Variants in MYOZ1 observed in about 807,000 individuals in gnomAD.
MYOZ1 encodes the protein myozenin 1.
Under a neutral mutation model 28.7 loss-of-function variants are expected in MYOZ1, and 20 were observed. The observed-to-expected ratio is 0.70, with a 90% CI of 0.49 to 1.01. The LOEUF (loss-of-function observed/expected upper bound fraction) is 1.01. Ranked by LOEUF, MYOZ1 falls within the 50% of genes least tolerant of loss-of-function variation. The probability of loss-of-function intolerance (pLI) is 0.00; values close to 1 mark genes in which losing one functional copy is unlikely to be tolerated. For missense variants in MYOZ1, 371 were observed against 372.4 expected, an observed-to-expected ratio of 1.00 and a Z score of 0.03; for synonymous variants, 144 against 145.8, an observed-to-expected ratio of 0.99 and a Z score of 0.09.
At chr10:73,639,436 A>C (rs1026808764) in intron 2 of MYOZ1, among the ~76,000 whole-genome samples, 1 of 152,164 alleles carries the variant, frequency 6.6e-6, no homozygotes, top group Non-Finnish European at 1.5e-5. Context: ...CTTCTGTCTT[A>C]ACTACTTTCC....
chr10:73,633,866 A>C, intron 5 of MYOZ1, 34 bp downstream of exon 5: 1 of 1,574,408 alleles, frequency 6.4e-7, no homozygotes, highest in Non-Finnish European at 8.6e-7. Context: ...GCCTCACACT[A>C]GAATGCATCT....
In MYOZ1 at chr10:73,632,031, A is replaced by G. The variant is rs906601362; in HGVS notation, c.799T>C (p.Ser267Pro). The G allele has an allele frequency of 1.9e-6, 3 of 1,613,986 alleles. No individual in the cohort carries two copies. Among genetic ancestry groups the G allele is most frequent in the Non-Finnish European group, 2.5e-6 (3 of 1,180,028 alleles). ...LYNQNLSNRP[S>P]FNRTPIPWLS... is the part of the protein sequence containing the mutation. Reference sequence around the variant, plus strand: ...CAGGGAATAGGGGTTCGATTGAAAGAAGGCCTGTTGGAGAGGTTTTGGTTG... The same window carrying G: ...CAGGGAATAGGGGTTCGATTGAAAGGAGGCCTGTTGGAGAGGTTTTGGTTG... The change falls in exon 6 of 6, where the codon TCT becomes CCT. Residue 267 changes from serine (S) to proline (P), a missense_variant. Coordinates refer to ENST00000359322, the MANE Select transcript of MYOZ1 (RefSeq NM_021245.4).
intron 4 of MYOZ1, 72 bp downstream of exon 4, chr10:73,634,412 A>G: frequency 6.4e-6 from 10 of 1,568,474 alleles, no homozygotes; most frequent in Non-Finnish European, 8.7e-6. Context: ...CCCCACACTC[A>G]GCGTAGACAT....
chr10:73,639,931 C>T lies in MYOZ1; in HGVS notation c.73+14G>A, dbSNP rs779917403. ...TAAGAAGTCCCACACTAGGGAGATG[C>T]AAACATGTCCTACCTCCAGTGAGTT... On this transcript the variant is annotated intron_variant, in intron 2 of 5. Coordinates refer to ENST00000359322, the MANE Select transcript of MYOZ1 (RefSeq NM_021245.4). 6.2e-7 allele frequency: 1 copy of T among 1,613,232 alleles called. No homozygotes were observed. The highest frequency in any genetic ancestry group is 1.1e-5 in the South Asian group (1 of 91,040).
chr10:73,632,284 C>T, intron 5 of MYOZ1, 123 bp from the exon 6 acceptor site: 1 of 846,830 alleles, frequency 1.2e-6, no homozygotes, highest in South Asian at 1.7e-5. Context: ...TGCATCTGTA[C>T]TCCTTCTTCT....
At chr10:73,636,098 C>T (rs1225701632) in intron 3 of MYOZ1, among the ~76,000 whole-genome samples, 1 of 152,172 alleles carries the variant, frequency 6.6e-6, no homozygotes, top group Non-Finnish European at 1.5e-5. Flanking sequence ...ATGACAGACA[C>T]TTCTGCCCCC....
chr10:73,641,085 C>G (rs1589447739), intron 1 of MYOZ1, among the ~76,000 whole-genome samples: 3 of 152,196 alleles, frequency 2.0e-5, no homozygotes, highest in Admixed American at 2.0e-4. Flanking sequence ...GGACTCCAAT[C>G]CCTTCTTAAG....
At chr10:73,638,317 GTTTTTATTTTTTATTCTTTT>G (rs1479243981) in intron 2 of MYOZ1, among the ~76,000 whole-genome samples, 4 of 147,846 alleles carry the variant, frequency 2.7e-5, no homozygotes, top group Admixed American at 6.7e-5. Flanking sequence ...ATATATATTT[GTTTTTATTTTTTATTCTTTT>G]TTTTCATTTT....
In MYOZ1 at chr10:73,631,928, C is replaced by A. The variant is rs2081637155; in HGVS notation, c.*2G>T. On this transcript the variant is annotated 3_prime_UTR_variant, in exon 6 of 6. Transcript: ENST00000359322. Reference sequence around the variant, plus strand: ...ATGATGCAAATCAGAGGAGGAAACACCTCACAGCTCCTCTGTTTCTCCATC... The same window carrying A: ...ATGATGCAAATCAGAGGAGGAAACAACTCACAGCTCCTCTGTTTCTCCATC... The A allele has an allele frequency of 6.2e-7, 1 of 1,612,450 alleles. No homozygotes were observed. The highest frequency in any genetic ancestry group is 1.3e-5 in the African/African-American group (1 of 74,880).
At chr10:73,636,012 G>A (rs1033131410) in intron 3 of MYOZ1, among the ~76,000 whole-genome samples, 2 of 152,176 alleles carry the variant, frequency 1.3e-5, no homozygotes, top group African/African-American at 2.4e-5. Context: ...GACCCAGGCA[G>A]AGAAGAGTGC....
chr10:73,634,730 G>C lies in MYOZ1; in HGVS notation c.256C>G (p.His86Asp). Reference sequence around the variant, plus strand: ...ACTGTTGGAAGGAACTTCTGGAAGTGATCCTGAAAAGAAGACAAAGTGAGG... The same window carrying C: ...ACTGTTGGAAGGAACTTCTGGAAGTCATCCTGAAAAGAAGACAAAGTGAGG... The part of the protein sequence containing the change: ...PDVFSDSSMD[H>D]FQKFLPTVGG... Residue 86 changes from histidine to aspartate, a missense_variant, in exon 4 of 6, where the codon CAC becomes GAC. Physicochemically the swap from His to Asp is moderately conservative, Grantham distance 81 (BLOSUM62 -1). Coordinates refer to ENST00000359322, the MANE Select transcript of MYOZ1 (RefSeq NM_021245.4). 1.2e-6 allele frequency: 2 copies of C among 1,610,660 alleles called. No homozygotes were observed. Among genetic ancestry groups the C allele is most frequent in the Non-Finnish European group, 1.7e-6 (2 of 1,177,144 alleles).
chr10:73,638,483 C>T (rs550727067), intron 2 of MYOZ1, among the ~76,000 whole-genome samples: 2 of 150,916 alleles, frequency 1.3e-5, no homozygotes, highest in African/African-American at 2.4e-5. Flanking sequence ...CAGGCCTGCA[C>T]CACCATCCCT....
intron 3 of MYOZ1, among the ~76,000 whole-genome samples, chr10:73,637,029 T>TTTTTG (rs1437745277): frequency 6.7e-6 from 1 of 150,240 alleles, no homozygotes; most frequent in Admixed American, 6.6e-5. Flanking sequence ...TTTTTTTTTT[T>TTTTTG]TGAGACAGAG....
chr10:73,632,267 T>C, intron 5 of MYOZ1, 106 bp from the exon 6 acceptor site: 1 of 1,053,968 alleles, frequency 9.5e-7, no homozygotes, highest in Admixed American at 2.3e-5. Flanking sequence ...GAATTCTAGT[T>C]TGGGATTGCA....
chr10:73,637,600 G>A, intron 3 of MYOZ1, 144 bp downstream of exon 3: 1 of 772,048 alleles, frequency 1.3e-6, no homozygotes, highest in Non-Finnish European at 2.1e-6. Context: ...TGGAGCTGTT[G>A]CGGGCTCAAT....
At chr10:73,637,678 G>C in intron 3 of MYOZ1, 66 bp downstream of exon 3, 1 of 1,464,976 alleles carries the variant, frequency 6.8e-7, no homozygotes, top group Non-Finnish European at 9.3e-7. Context: ...TGGAGGTTCA[G>C]GGCCTACTAA....
intron 5 of MYOZ1, among the ~76,000 whole-genome samples, chr10:73,633,309 G>C (rs1164721212): frequency 1.3e-5 from 2 of 151,892 alleles, no homozygotes; most frequent in East Asian, 3.9e-4. Flanking sequence ...GAAAAAGAAG[G>C]AAAGAAAGAA....
At chr10:73,639,381 C>T (rs2081689593) in intron 2 of MYOZ1, among the ~76,000 whole-genome samples, 1 of 152,168 alleles carries the variant, frequency 6.6e-6, no homozygotes, top group African/African-American at 2.4e-5. Flanking sequence ...CTTGGCCTCC[C>T]AAAGTTCTGG....
rs781069032 is a variant in MYOZ1 at position 73,632,101 on chromosome 10, G to A, written c.729C>T (p.Pro243=). Residue 243 remains proline, a synonymous_variant, in exon 6 of 6, where the codon CCC becomes CCT. Transcript: ENST00000359322. ...KASKRMTFQM[P]KFDLGPLLSE... ...TCAGCAAGGGCCCCAGGTCAAACTT[G>A]GGCATCTGGAAGGTCATGCGTTTGG... The A allele has an allele frequency of 6.2e-7, 1 of 1,614,152 alleles. No individual in the cohort carries two copies. Among genetic ancestry groups the A allele is most frequent in the Non-Finnish European group, 8.5e-7 (1 of 1,180,028 alleles).
Sources: gnomAD v4.1 joint callset for allele counts (sites outside exome capture counted in the v4.1 genomes callset) on GRCh38, gnomAD v4.1.1 for gene constraint, MANE v1.5 for transcripts, NCBI Gene and HGNC (gene_info 2026-07-23, HGNC 2026-07-21) for gene names.